The following PCDH9 variants were observed in gnomAD, a reference collection of about 807,000 sequenced individuals.
PCDH9 encodes protocadherin-9.
In PCDH9, 24 loss-of-function variants were observed where a neutral mutation model predicts 70.6. That is an observed-to-expected ratio of 0.34 (90% CI 0.25 to 0.48). The LOEUF (loss-of-function observed/expected upper bound fraction) is 0.48. Among genes scored for constraint, PCDH9 ranks in the 20% least tolerant of loss-of-function variants. The pLI is 0.99. For synonymous variants in PCDH9, 562 were observed against 558.5 expected, an observed-to-expected ratio of 1.01 and a Z score of -0.09; for missense variants, 1,281 against 1,503.6, an observed-to-expected ratio of 0.85 and a Z score of 2.45.
intron 2 of PCDH9, among the ~76,000 whole-genome samples, chr13:66,916,690 C>T (rs367702527): frequency 2.0e-5 from 3 of 151,544 alleles, no homozygotes; most frequent in Admixed American, 1.3e-4. Context: ...AAGATTTGAC[C>T]GAACTTTACC....
chr13:66,990,648 CAT>C lies in PCDH9; in HGVS notation c.3037-87045_3037-87044del, dbSNP rs201706686. ...ATAAAAACATGTATACATAAATATA[CAT>C]ATATATATAATTCAGTGACAAGCAC... On this transcript the variant is annotated intron_variant, in intron 2 of 4. Transcript: ENST00000377865. 8.8e-3 allele frequency among the ~76,000 whole-genome samples: 1,320 copies of C among 149,904 alleles called. 18 individuals are homozygous for C. Among genetic ancestry groups the C allele is most frequent in the Middle Eastern group, 0.032 (9 of 284 alleles).
intron 2 of PCDH9, among the ~76,000 whole-genome samples, chr13:67,040,651 T>C (rs915570767): frequency 2.0e-5 from 3 of 152,116 alleles, no homozygotes; most frequent in Non-Finnish European, 2.9e-5. Context: ...TAGTACTTTG[T>C]TACAGTAGCC....
chr13:66,555,940 A>ATT (rs1299657539), intron 4 of PCDH9, among the ~76,000 whole-genome samples: 1 of 148,264 alleles, frequency 6.7e-6, no homozygotes, highest in African/African-American at 2.4e-5. Context: ...ATATATACAT[A>ATT]TTATATATAT....
chr13:67,196,362 A>C (rs2089065662), intron 2 of PCDH9, among the ~76,000 whole-genome samples: 1 of 152,088 alleles, frequency 6.6e-6, no homozygotes, highest in South Asian at 2.1e-4. Flanking sequence ...GGTACTTGGA[A>C]TATGAACATA....
intron 2 of PCDH9, among the ~76,000 whole-genome samples, chr13:66,976,243 A>T (rs2083617935): frequency 1.3e-5 from 2 of 152,056 alleles, no homozygotes; most frequent in Non-Finnish European, 2.9e-5. Flanking sequence ...TATTTATTTT[A>T]GTTTTAAATA....
intron 4 of PCDH9, among the ~76,000 whole-genome samples, chr13:66,356,319 G>A (rs1956381672): frequency 6.6e-6 from 1 of 152,060 alleles, no homozygotes; most frequent in African/African-American, 2.4e-5. Flanking sequence ...AGGATAGTTT[G>A]AAACCCACTC....
At chr13:66,645,541 G>T (rs1458573758) in intron 3 of PCDH9, among the ~76,000 whole-genome samples, 1 of 151,986 alleles carries the variant, frequency 6.6e-6, no homozygotes, top group South Asian at 2.1e-4. Flanking sequence ...TTATAAAACT[G>T]ATATTTCTAA....
intron 2 of PCDH9, among the ~76,000 whole-genome samples, chr13:67,114,111 A>G (rs1228395211): frequency 6.6e-6 from 1 of 152,220 alleles, no homozygotes; most frequent in Non-Finnish European, 1.5e-5. Context: ...AATATTTTAA[A>G]AAGGCAGACA....
chr13:66,633,190 C>A (rs562897441), intron 3 of PCDH9, among the ~76,000 whole-genome samples: 148 of 152,190 alleles, frequency 9.7e-4, no homozygotes, highest in African/African-American at 3.4e-3. Context: ...TGAACTGATG[C>A]CAACATCACA....
chr13:66,364,177 A>G (rs1956517028), intron 4 of PCDH9, among the ~76,000 whole-genome samples: 1 of 152,132 alleles, frequency 6.6e-6, no homozygotes, highest in Non-Finnish European at 1.5e-5. Flanking sequence ...ACAAAAAAAA[A>G]GGAAGAAAGA....
intron 2 of PCDH9, among the ~76,000 whole-genome samples, chr13:67,074,050 AT>A: frequency 6.7e-6 from 1 of 148,888 alleles, no homozygotes; most frequent in East Asian, 2.0e-4. Flanking sequence ...CTATCTATCT[AT>A]CTATCTATCT....
intron 4 of PCDH9, among the ~76,000 whole-genome samples, chr13:66,500,717 C>A (rs1361369406): frequency 6.6e-6 from 1 of 152,000 alleles, no homozygotes; most frequent in Non-Finnish European, 1.5e-5. Flanking sequence ...AGAAAGCCTA[C>A]GGTATATTCT....
intron 4 of PCDH9, among the ~76,000 whole-genome samples, chr13:66,443,024 A>G (rs1041618777): frequency 6.6e-6 from 1 of 152,240 alleles, no homozygotes; most frequent in Non-Finnish European, 1.5e-5. Context: ...ACATGGCACA[A>G]GTGCCAATTG....
intron 2 of PCDH9, among the ~76,000 whole-genome samples, chr13:67,161,494 T>C (rs2087957488): frequency 6.6e-6 from 1 of 152,180 alleles, no homozygotes; most frequent in Non-Finnish European, 1.5e-5. Context: ...ATCTCTTTTT[T>C]CCCTCTTGTT....
In PCDH9 at chr13:67,090,951, C is replaced by T. The variant is rs551747365; in HGVS notation, c.3036+134454G>A. On this transcript the variant is annotated intron_variant, in intron 2 of 4. Transcript: ENST00000377865. ...TTTACATCTTATTCCAGAGCCTTAA[C>T]TGAAATTATTTTTGTTTAACATTAG... Among the ~76,000 whole-genome samples, 5 of 152,150 alleles carry T rather than the reference C, an allele frequency of 3.3e-5. No individual in the cohort carries two copies. The East Asian group carries it at 9.7e-4, about 29-fold the overall frequency.
rs1000666346 is a variant in PCDH9 at position 66,500,749 on chromosome 13, T to C, written c.3340+130461A>G. Reference sequence around the variant, plus strand: ...TTCTTGCTGTCTTGCTTTTCCTATATGTTTCCTACTGTTTCTATTTTATTT... The same window carrying C: ...TTCTTGCTGTCTTGCTTTTCCTATACGTTTCCTACTGTTTCTATTTTATTT... On this transcript the variant is annotated intron_variant, in intron 4 of 4. Transcript: ENST00000377865. 2.6e-5 allele frequency among the ~76,000 whole-genome samples: 4 copies of C among 152,252 alleles called. 1 individual carries two copies. The highest frequency in any genetic ancestry group is 6.8e-3 in the Middle Eastern group (2 of 294).
intron 3 of PCDH9, among the ~76,000 whole-genome samples, chr13:66,730,484 T>TTGTTTTGA: frequency 6.6e-6 from 1 of 152,148 alleles, no homozygotes; most frequent in South Asian, 2.1e-4. Flanking sequence ...TCACTTGCCT[T>TTGTTTTGA]TGTTTTGATC....
intron 4 of PCDH9, among the ~76,000 whole-genome samples, chr13:66,484,270 CCTTGAGACA>C (rs1296698108): frequency 1.3e-4 from 20 of 152,078 alleles, no homozygotes; most frequent in Non-Finnish European, 2.6e-4. Context: ...TAAGAGAGCA[CCTTGAGACA>C]CACGTCCACT....
chr13:66,415,417 C>T (rs961121268), intron 4 of PCDH9, among the ~76,000 whole-genome samples: 2 of 152,162 alleles, frequency 1.3e-5, no homozygotes, highest in African/African-American at 2.4e-5. Context: ...ACACTTGTGT[C>T]TATATCATCA....
Sources: allele counts gnomAD v4.1 joint callset (sites outside exome capture counted in the v4.1 genomes callset), GRCh38; gene constraint gnomAD v4.1.1; transcripts MANE v1.5; gene names NCBI Gene and HGNC (gene_info 2026-07-23, HGNC 2026-07-21).